Variants in RGL1 observed in about 807,000 individuals in gnomAD.
The protein encoded by RGL1 is ral guanine nucleotide dissociation stimulator like 1, also known as ral guanine nucleotide dissociation stimulator-like 1.
A neutral mutation model predicts 95.2 loss-of-function variants in RGL1; 24 were observed. The ratio of observed to expected loss-of-function variants is 0.25; its 90% CI spans 0.18 to 0.35. RGL1 has a LOEUF of 0.35. Ranked by LOEUF, RGL1 falls within the 10% of genes least tolerant of loss-of-function variation. The pLI, the probability that RGL1 is intolerant of heterozygous loss-of-function variation, is 1.00. For missense variants in RGL1, 715 were observed against 936.3 expected (o/e 0.76, Z 3.08); for synonymous variants, 329 against 344.9 (o/e 0.95, Z 0.51).
chr1:183,781,602 A>G (rs948550927), intron 2 of RGL1, among the ~76,000 whole-genome samples: 23 of 152,206 alleles, frequency 1.5e-4, no homozygotes, highest in African/African-American at 5.1e-4. Context: ...TTTACAGAAG[A>G]AAAAAATCAT....
chr1:183,826,528 A>T (rs992851991), intron 2 of RGL1, among the ~76,000 whole-genome samples: 1 of 152,188 alleles, frequency 6.6e-6, no homozygotes, highest in Non-Finnish European at 1.5e-5. Context: ...CCGATGGAAG[A>T]CACGTGATTA....
chr1:183,694,748 C>A (rs183531203), intron 1 of RGL1, among the ~76,000 whole-genome samples: 6 of 152,238 alleles, frequency 3.9e-5, no homozygotes, highest in Admixed American at 3.9e-4. Flanking sequence ...GACTTAATTG[C>A]ATATTTAAAT....
At chr1:183,901,097 G>A (rs935198932) in intron 11 of RGL1, among the ~76,000 whole-genome samples, 1 of 150,676 alleles carries the variant, frequency 6.6e-6, no homozygotes, top group African/African-American at 2.4e-5. Context: ...TCAGGAGTTC[G>A]AGACCACCCT....
At chr1:183,711,646 T>C (rs771540422) in intron 1 of RGL1, among the ~76,000 whole-genome samples, 15 of 152,238 alleles carry the variant, frequency 9.9e-5, no homozygotes, top group Non-Finnish European at 2.1e-4. Context: ...TTCCATGTCC[T>C]GTTATAATTA....
At chr1:183,812,406 C>T (rs1050187407) in intron 2 of RGL1, among the ~76,000 whole-genome samples, 2 of 152,172 alleles carry the variant, frequency 1.3e-5, no homozygotes, top group African/African-American at 2.4e-5. Context: ...TGAACTCCCT[C>T]GCTGCTGTTG....
intron 1 of RGL1, among the ~76,000 whole-genome samples, chr1:183,684,347 T>C (rs569247452): frequency 6.6e-6 from 1 of 152,172 alleles, no homozygotes; most frequent in Admixed American, 6.5e-5. Flanking sequence ...TTGGATGGGG[T>C]TTTTGTGTGG....
Position 183,710,206 on chromosome 1 carries a change from C to T in RGL1, c.-32-31920C>T, listed in dbSNP as rs559969274. ...GGTCCACTCGGTACTGCAGGCTCTT[C>T]GATGCACACTCTTACCAGTGCTGTG... On this transcript the variant is annotated intron_variant, in intron 1 of 18. Transcript: ENST00000304685. 5.6e-5 allele frequency: 12 copies of T among 214,938 alleles called. No homozygotes were observed. In the South Asian group the frequency reaches 8.0e-4, roughly 14 times the overall value. The allele number at this position is 214,938 out of a possible 1,614,324, so 13.3% of individuals were successfully genotyped here. A position where few individuals can be genotyped will look rare whatever the true frequency, so the allele number is the denominator to read the frequency against.
At chr1:183,908,876 G>A (rs1668491094) in intron 14 of RGL1, among the ~76,000 whole-genome samples, 1 of 152,182 alleles carries the variant, frequency 6.6e-6, no homozygotes, top group South Asian at 2.1e-4. Context: ...TCATTTCTAT[G>A]CTACTGCTTC....
intron 1 of RGL1, among the ~76,000 whole-genome samples, chr1:183,690,290 A>C (rs1018489562): frequency 1.3e-5 from 2 of 152,222 alleles, no homozygotes; most frequent in Non-Finnish European, 2.9e-5. Flanking sequence ...GTATGTTTAT[A>C]TGAGCAGTTT....
At chr1:183,897,960 TC>T in intron 10 of RGL1, 63 bp downstream of exon 10, 1 of 1,379,730 alleles carries the variant, frequency 7.2e-7, no homozygotes, top group Non-Finnish European at 1.0e-6. Flanking sequence ...GCGTCTGGGC[TC>T]CCACATGGCA....
At chr1:183,916,904 C>T (rs1338017669) in intron 16 of RGL1, among the ~76,000 whole-genome samples, 1 of 152,044 alleles carries the variant, frequency 6.6e-6, no homozygotes, top group Non-Finnish European at 1.5e-5. Flanking sequence ...AATATATATA[C>T]ATATATATGC....
chr1:183,733,099 A>T (rs1279292971), intron 1 of RGL1, among the ~76,000 whole-genome samples: 1 of 152,146 alleles, frequency 6.6e-6, no homozygotes, highest in Non-Finnish European at 1.5e-5. Context: ...CAGAGCTCTG[A>T]GTAAGAGGAA....
chr1:183,656,900 A>G (rs937312808), intron 1 of RGL1, among the ~76,000 whole-genome samples: 2 of 152,146 alleles, frequency 1.3e-5, no homozygotes, highest in African/African-American at 4.8e-5. Context: ...AAAACCAGAA[A>G]ATCTAATTAT....
intron 4 of RGL1, among the ~76,000 whole-genome samples, chr1:183,869,875 T>C (rs982193647): frequency 6.6e-6 from 1 of 152,178 alleles, no homozygotes; most frequent in Non-Finnish European, 1.5e-5. Context: ...TGATGATCAA[T>C]AGATGTGTAG....
chr1:183,826,868 A>G (rs1048402608), intron 2 of RGL1, among the ~76,000 whole-genome samples: 1 of 152,154 alleles, frequency 6.6e-6, no homozygotes, highest in Non-Finnish European at 1.5e-5. Flanking sequence ...TGAACACTAA[A>G]TTCTCCCATG....
chr1:183,681,438 G>A (rs757035156), intron 1 of RGL1, among the ~76,000 whole-genome samples: 1 of 152,144 alleles, frequency 6.6e-6, no homozygotes, highest in Non-Finnish European at 1.5e-5. Context: ...ATAATCATGT[G>A]GTTTTTGTCA....
chr1:183,876,978 C>T (rs930779817), intron 4 of RGL1, among the ~76,000 whole-genome samples: 2 of 152,160 alleles, frequency 1.3e-5, no homozygotes, highest in Admixed American at 1.3e-4. Context: ...TCAAAATGTC[C>T]TTATTGACAT....
intron 14 of RGL1, among the ~76,000 whole-genome samples, chr1:183,908,816 G>A (rs956456127): frequency 6.6e-6 from 1 of 152,170 alleles, no homozygotes; most frequent in African/African-American, 2.4e-5. Context: ...AATGCAGGCA[G>A]GCCTAATCCT....
chr1:183,816,890 A>AT (rs939201999), intron 2 of RGL1, among the ~76,000 whole-genome samples: 2 of 152,156 alleles, frequency 1.3e-5, no homozygotes, highest in African/African-American at 4.8e-5. Context: ...CCCCACTGGG[A>AT]TTCCAGGTGC....
Sources: allele counts gnomAD v4.1 joint callset (sites outside exome capture counted in the v4.1 genomes callset), GRCh38; gene constraint gnomAD v4.1.1; transcripts MANE v1.5; gene names NCBI Gene and HGNC (gene_info 2026-07-23, HGNC 2026-07-21).